The following TMEM53 variants were observed in gnomAD, a reference collection of about 807,000 sequenced individuals.
TMEM53 encodes transmembrane protein 53, also known as novel DUF829 domain-containing protein.
A neutral mutation model predicts 21.4 loss-of-function variants in TMEM53; 14 were observed. The ratio of observed to expected loss-of-function variants is 0.65; its 90% CI spans 0.43 to 1.02. The LOEUF (loss-of-function observed/expected upper bound fraction) is 1.02. Ranked by LOEUF, TMEM53 falls within the 50% of genes least tolerant of loss-of-function variation. The probability of loss-of-function intolerance (pLI) is 0.00; values close to 1 mark genes in which losing one functional copy is unlikely to be tolerated. For missense variants in TMEM53, 323 were observed against 383.6 expected, an observed-to-expected ratio of 0.84 and a Z score of 1.32; for synonymous variants, 148 against 157.4, an observed-to-expected ratio of 0.94 and a Z score of 0.45.
chr1:44,657,839 C>G (rs1644863418), intron 2 of TMEM53, among the ~76,000 whole-genome samples: 1 of 152,068 alleles, frequency 6.6e-6, no homozygotes, highest in African/African-American at 2.4e-5. Context: ...CAGCATCCAC[C>G]TTGTTTTCTT....
chr1:44,664,922 G>GCT (rs1226623572), intron 1 of TMEM53, among the ~76,000 whole-genome samples: 1 of 152,026 alleles, frequency 6.6e-6, no homozygotes, highest in Non-Finnish European at 1.5e-5. Flanking sequence ...GGACCAGCGT[G>GCT]CTCTACCGCC....
At chr1:44,673,731 A>T (rs1181063451) in intron 1 of TMEM53, 1 of 607,224 alleles carries the variant, frequency 1.6e-6, no homozygotes, top group East Asian at 1.4e-4. Context: ...CCGGTTTTGC[A>T]GAGGAGGAAA....
intron 1 of TMEM53, among the ~76,000 whole-genome samples, chr1:44,670,999 G>GT (rs1644995480): frequency 6.6e-6 from 1 of 152,198 alleles, no homozygotes; most frequent in Non-Finnish European, 1.5e-5. Flanking sequence ...TGGGCCTACA[G>GT]TGCTGCCAAG....
At chr1:44,661,597 G>A (rs1019736409) in intron 1 of TMEM53, among the ~76,000 whole-genome samples, 38 of 152,208 alleles carry the variant, frequency 2.5e-4, no homozygotes, top group African/African-American at 8.4e-4. Flanking sequence ...ACCCTGTCCT[G>A]CCAGAGAATA....
intron 2 of TMEM53, among the ~76,000 whole-genome samples, chr1:44,659,476 T>G (rs1644879499): frequency 6.6e-6 from 1 of 152,162 alleles, no homozygotes; most frequent in African/African-American, 2.4e-5. Flanking sequence ...ATATCCAACC[T>G]TGGTTGGATG....
At position 44,654,548 on chromosome 1, in the gene TMEM53, G is replaced by A. The variant is rs752621326; in HGVS notation, c.*11C>T. On this transcript the variant is annotated 3_prime_UTR_variant, in exon 3 of 3. Transcript: ENST00000372237. This position sits in a 1 kb window ranked among gnomAD's most constrained non-coding sequence, Gnocchi z 7.0. The stretch of plus-strand genomic sequence containing the variant: ...TTATTTCTGGAGCAGAGGTGAGATG[G>A]AGCAATGGCCTCAGCAGCGGACGCA... 150 of 1,596,994 alleles carry A rather than the reference G, an allele frequency of 9.4e-5. 1 individual carries two copies. The highest frequency in any genetic ancestry group is 3.3e-4 in the Middle Eastern group (2 of 6,016).
In TMEM53 at chr1:44,655,316, G is replaced by A; in HGVS notation, c.184-107C>T. 8.9e-7 allele frequency: 1 copy of A among 1,128,612 alleles called. No individual in the cohort carries two copies. The highest frequency in any genetic ancestry group is 1.2e-6 in the Non-Finnish European group (1 of 810,814). 69.9% of individuals were successfully genotyped at this position (1,128,612 alleles called of 1,614,324 possible). A position where few individuals can be genotyped will look rare whatever the true frequency, so the allele number is the denominator to read the frequency against. The stretch of plus-strand genomic sequence containing the variant: ...CCAGCCTGTAGGACATAGGCCATGG[G>A]GCCCACAGCGTCAGCAATGCTCTGG... On this transcript the variant is annotated intron_variant, in intron 2 of 2. Coordinates refer to ENST00000372237, the MANE Select transcript of TMEM53 (RefSeq NM_024587.4). This position sits in a 1 kb window ranked among gnomAD's most constrained non-coding sequence, Gnocchi z 4.4.
At chr1:44,660,393 G>A (rs762352979) in intron 1 of TMEM53, 98 bp from the exon 2 acceptor site, 5 of 1,484,006 alleles carry the variant, frequency 3.4e-6, no homozygotes, top group Non-Finnish European at 4.5e-6. Context: ...CTGCAGGCAG[G>A]GAACAACGGG....
intron 1 of TMEM53, among the ~76,000 whole-genome samples, chr1:44,668,433 TAAAATA>T (rs544866056): frequency 7.2e-4 from 109 of 152,058 alleles, no homozygotes; most frequent in African/African-American, 2.5e-3. Flanking sequence ...AAAAATAAAA[TAAAATA>T]AAAATAAAAA....
chr1:44,668,848 A>G (rs1210290816), intron 1 of TMEM53, among the ~76,000 whole-genome samples: 1 of 152,172 alleles, frequency 6.6e-6, no homozygotes, highest in Admixed American at 6.5e-5. Context: ...CGGCCAAATT[A>G]CTTTATTTTT....
At chr1:44,663,766 A>G (rs1279823349) in intron 1 of TMEM53, among the ~76,000 whole-genome samples, 2 of 152,210 alleles carry the variant, frequency 1.3e-5, no homozygotes, top group Non-Finnish European at 2.9e-5. Context: ...AGAACCCTGT[A>G]CAAGCAATCA....
At position 44,664,275 on chromosome 1, in the gene TMEM53, A is replaced by G. The variant is rs958803436; in HGVS notation, c.62-3980T>C. Among the ~76,000 whole-genome samples the G allele has an allele frequency of 6.6e-5, 10 of 151,780 alleles. No individual in the cohort carries two copies. The East Asian group carries it at 1.9e-3, about 29-fold the overall frequency. On this transcript the variant is annotated intron_variant, in intron 1 of 2. Transcript: ENST00000372237. ...AGACCAGCCTGACCAACATGGAGAAACCTCATCTCTACTAAAAATACAAAA... is the reference window on the plus strand; with the variant it reads ...AGACCAGCCTGACCAACATGGAGAAGCCTCATCTCTACTAAAAATACAAAA...
chr1:44,668,374 G>C (rs976099053), intron 1 of TMEM53, among the ~76,000 whole-genome samples: 5 of 151,980 alleles, frequency 3.3e-5, no homozygotes, highest in African/African-American at 9.7e-5. Context: ...CCAGAGCTGA[G>C]ATCGCACCAC....
At position 44,655,752 on chromosome 1, in the gene TMEM53, C is replaced by T. The variant is rs1360878864; in HGVS notation, c.184-543G>A. Among the ~76,000 whole-genome samples the T allele has an allele frequency of 2.0e-5, 3 of 152,078 alleles. No homozygotes were observed. The highest frequency in any genetic ancestry group is 6.5e-5 in the Admixed American group (1 of 15,280). ...ACCAGAGGCCACTTCTGAGCCAGGC[C>T]CACATCACTTTCATCACTGGTCACT... On this transcript the variant is annotated intron_variant, in intron 2 of 2. Coordinates refer to ENST00000372237, the MANE Select transcript of TMEM53 (RefSeq NM_024587.4). The surrounding 1 kb of genome is among the most constrained non-coding windows in gnomAD (Gnocchi z 4.4).
intron 2 of TMEM53, among the ~76,000 whole-genome samples, chr1:44,658,078 C>G (rs1297329335): frequency 6.6e-6 from 1 of 152,112 alleles, no homozygotes; most frequent in African/African-American, 2.4e-5. Context: ...TTCCCAAAGA[C>G]TCTGCAGATT....
At chr1:44,666,795 G>A (rs892394532) in intron 1 of TMEM53, among the ~76,000 whole-genome samples, 1 of 152,010 alleles carries the variant, frequency 6.6e-6, no homozygotes, top group Non-Finnish European at 1.5e-5. Context: ...AGATGGCAGT[G>A]ATATTCTTAC....
rs769122143 is a variant in TMEM53 at position 44,655,158 on chromosome 1, C to T, written c.235G>A (p.Glu79Lys). 1.2e-6 allele frequency: 2 copies of T among 1,613,554 alleles called. No homozygotes were observed. Among genetic ancestry groups the T allele is most frequent in the Non-Finnish European group, 1.7e-6 (2 of 1,179,790 alleles). The change falls in exon 3 of 3, where the codon GAG becomes AAG. Residue 79 changes from glutamate (E) to lysine (K), a missense_variant. By Grantham distance (56) the Glu-to-Lys change is moderately conservative (BLOSUM62 1). This residue lies in a region of TMEM53 where 269 missense variants were observed against 334.5 expected (regional missense o/e 0.80). Coordinates refer to ENST00000372237, the MANE Select transcript of TMEM53 (RefSeq NM_024587.4). The surrounding 1 kb of genome is among the most constrained non-coding windows in gnomAD (Gnocchi z 4.4). ...TAPWHMVFFS[E>K]SLGIPSLRVL... ...CGAAGTGAAGGGATACCCAGTGACT[C>T]GGAGAAGAAGACCATGTGCCACGGG...
chr1:44,670,677 G>A (rs997368731), intron 1 of TMEM53, among the ~76,000 whole-genome samples: 5 of 152,170 alleles, frequency 3.3e-5, no homozygotes, highest in Admixed American at 6.5e-5. Flanking sequence ...AGCCAGTGAT[G>A]AGCAAAAAAG....
intron 1 of TMEM53, chr1:44,673,772 G>A (rs1645043537): frequency 1.1e-6 from 1 of 892,712 alleles, no homozygotes; most frequent in Non-Finnish European, 1.3e-6. Flanking sequence ...CTTACCAAAG[G>A]TAATCCAGCT....
Sources: gnomAD v4.1 joint callset for allele counts (sites outside exome capture counted in the v4.1 genomes callset) on GRCh38, gnomAD v4.1.1 for gene constraint, gnomAD v4.1.1 regional missense constraint, Gnocchi (gnomAD v3.1) non-coding constraint, MANE v1.5 for transcripts, NCBI Gene and HGNC (gene_info 2026-07-23, HGNC 2026-07-21) for gene names.